Variants in TBC1D19 observed in about 807,000 individuals in gnomAD.
TBC1D19 encodes the protein TBC1 domain family, member 19.
TBC1D19 carries 60 observed loss-of-function variants against 89.0 expected under a neutral mutation model. That is an observed-to-expected ratio of 0.67 (90% CI 0.55 to 0.84). TBC1D19 has a LOEUF of 0.84. Ranked by LOEUF, TBC1D19 falls within the 40% of genes least tolerant of loss-of-function variation. The probability of loss-of-function intolerance (pLI) is 0.00; values close to 1 mark genes in which losing one functional copy is unlikely to be tolerated. For missense variants in TBC1D19, 500 were observed against 610.8 expected, an observed-to-expected ratio of 0.82 and a Z score of 1.91; for synonymous variants, 189 against 199.7, an observed-to-expected ratio of 0.95 and a Z score of 0.45.
intron 16 of TBC1D19, among the ~76,000 whole-genome samples, chr4:26,739,327 C>T (rs967618750): frequency 1.3e-5 from 2 of 152,000 alleles, no homozygotes; most frequent in Admixed American, 6.6e-5. Flanking sequence ...GGGGATATAG[C>T]GATAAAGACC....
chr4:26,787,575 A>G, the TBC1D19 span, among the ~76,000 whole-genome samples: 1 of 152,116 alleles, frequency 6.6e-6, no homozygotes, highest in African/African-American at 2.4e-5. Flanking sequence ...CTAGAGTTGC[A>G]TCTGGTGTCA....
At chr4:26,724,521 T>A (rs951894299) in intron 15 of TBC1D19, among the ~76,000 whole-genome samples, 5 of 152,212 alleles carry the variant, frequency 3.3e-5, no homozygotes, top group African/African-American at 9.6e-5. Context: ...CAGATATTTT[T>A]ATAAAGATAT....
intron 18 of TBC1D19, among the ~76,000 whole-genome samples, chr4:26,746,780 A>G (rs1718673087): frequency 6.6e-6 from 1 of 152,192 alleles, no homozygotes; most frequent in Admixed American, 6.5e-5. Flanking sequence ...AACTAATAAT[A>G]AAATAGAACA....
At chr4:26,771,355 T>G in the TBC1D19 span, among the ~76,000 whole-genome samples, 3 of 152,080 alleles carry the variant, frequency 2.0e-5, no homozygotes, top group Non-Finnish European at 4.4e-5. Flanking sequence ...TCCAAAAGAA[T>G]TGAAATCAGG....
At chr4:26,844,156 G>A in the TBC1D19 span, among the ~76,000 whole-genome samples, 1 of 152,110 alleles carries the variant, frequency 6.6e-6, no homozygotes, top group African/African-American at 2.4e-5. Context: ...ATTATTTCAG[G>A]TCTAGGCTAA....
At chr4:26,698,777 T>A (rs1715041305) in intron 13 of TBC1D19, among the ~76,000 whole-genome samples, 1 of 152,194 alleles carries the variant, frequency 6.6e-6, no homozygotes, top group South Asian at 2.1e-4. Flanking sequence ...ATTCCCTATT[T>A]AATAAATGGT....
chr4:26,673,654 G>A (rs773602055), intron 10 of TBC1D19, 122 bp from the exon 11 acceptor site: 22 of 692,454 alleles, frequency 3.2e-5, no homozygotes, highest in Non-Finnish European at 5.6e-5. Flanking sequence ...GTAAAGATAC[G>A]GTGTAATTAT....
chr4:26,792,514 C>T, the TBC1D19 span, among the ~76,000 whole-genome samples: 1 of 152,010 alleles, frequency 6.6e-6, no homozygotes, highest in Admixed American at 6.6e-5. Flanking sequence ...CAGCTGGAGG[C>T]GAATATGGGG....
At chr4:26,735,554 A>T in intron 16 of TBC1D19, 67 bp downstream of exon 16, 1 of 1,336,940 alleles carries the variant, frequency 7.5e-7, no homozygotes, top group South Asian at 1.5e-5. Context: ...AATTTAAAAA[A>T]TAATGACTGA....
chr4:26,825,158 GCA>G, the TBC1D19 span, among the ~76,000 whole-genome samples: 1 of 151,742 alleles, frequency 6.6e-6, no homozygotes, highest in South Asian at 2.1e-4. Context: ...GATTGCAGTG[GCA>G]CAGTCTTGGC....
intron 1 of TBC1D19, among the ~76,000 whole-genome samples, chr4:26,593,643 G>GA (rs1294931556): frequency 1.6e-4 from 25 of 151,930 alleles, no homozygotes; most frequent in African/African-American, 5.1e-4. Context: ...AAATTTACAA[G>GA]AAAAAAACAA....
At chr4:26,618,050 T>A (rs1051488566) in intron 3 of TBC1D19, among the ~76,000 whole-genome samples, 3 of 152,310 alleles carry the variant, frequency 2.0e-5, no homozygotes, top group Admixed American at 1.3e-4. Flanking sequence ...TAGACCTGGG[T>A]ACCTCTGAAA....
the TBC1D19 span, among the ~76,000 whole-genome samples, chr4:26,817,002 C>G: frequency 6.6e-6 from 1 of 152,196 alleles, no homozygotes; most frequent in Non-Finnish European, 1.5e-5. Context: ...CTACGTGCTT[C>G]TGGGTCCCTC....
At chr4:26,601,629 T>G (rs954132248) in intron 1 of TBC1D19, among the ~76,000 whole-genome samples, 1 of 152,120 alleles carries the variant, frequency 6.6e-6, no homozygotes, top group Admixed American at 6.5e-5. Context: ...CTAGGTTGAG[T>G]AGAACTAGAG....
chr4:26,663,725 G>A (rs1274193834), intron 8 of TBC1D19, among the ~76,000 whole-genome samples: 1 of 152,090 alleles, frequency 6.6e-6, no homozygotes, highest in Non-Finnish European at 1.5e-5. Flanking sequence ...TCCCTGCCTT[G>A]CCTATATCAT....
the TBC1D19 span, among the ~76,000 whole-genome samples, chr4:26,809,083 A>G: frequency 6.6e-6 from 1 of 152,240 alleles, no homozygotes; most frequent in Admixed American, 6.5e-5. Context: ...CAAATAAAAG[A>G]CATTGTTGGG....
In TBC1D19 at chr4:26,742,552, T is replaced by G. The variant is rs749911498; in HGVS notation, c.1272T>G (p.Thr424=). The part of the protein sequence containing the change: ...LCLLFETLLQ[T]YLPQLFYHLR... ...TGCTGTTTGAAACTCTTCTTCAAAC[T>G]TATCTTCCCCAACTCTTTTATCATC... is the stretch of plus-strand genomic sequence containing the variant. Residue 424 remains threonine (T), a synonymous_variant, in exon 18 of 21, where the codon ACT becomes ACG. Transcript: ENST00000264866. 3.0e-5 allele frequency: 48 copies of G among 1,612,234 alleles called. No individual in the cohort carries two copies. The highest frequency in any genetic ancestry group is 3.8e-5 in the Non-Finnish European group (45 of 1,179,018).
rs147831045 is a variant in TBC1D19, at chr4:26,656,623, A to G, written c.481-2974A>G. ...ATCCAGGCTGGAGTGCAGTGGCACA[A>G]TCTTGGCTCACTGTAACCTCCCCCT... On this transcript the variant is annotated intron_variant, in intron 7 of 20. Transcript: ENST00000264866. 2.8e-3 allele frequency among the ~76,000 whole-genome samples: 431 copies of G among 151,980 alleles called. 2 individuals are homozygous for G. The highest frequency in any genetic ancestry group is 1.0e-2 in the African/African-American group (413 of 41,430).
chr4:26,673,442 T>TACACACACACACACACAC (rs1167477111), intron 10 of TBC1D19, among the ~76,000 whole-genome samples: 16 of 14,684 alleles, frequency 1.1e-3, no homozygotes, highest in African/African-American at 1.6e-3. Context: ...TATATATATA[T>TACACACACACACACACAC]ATATACACAC....
Sources: gnomAD v4.1 joint callset for allele counts (sites outside exome capture counted in the v4.1 genomes callset) on GRCh38, gnomAD v4.1.1 for gene constraint, MANE v1.5 for transcripts, NCBI Gene and HGNC (gene_info 2026-07-23, HGNC 2026-07-21) for gene names.